SUPT3H: variants seen among roughly 807,000 people sequenced by gnomAD.
SUPT3H encodes the protein SPT3 homolog, SAGA and STAGA complex component.
A neutral mutation model predicts 44.3 loss-of-function variants in SUPT3H; 44 were observed. That is an observed-to-expected ratio of 0.99 (90% CI 0.78 to 1.28). The LOEUF is 1.28. SUPT3H is among the 50% of genes most tolerant of loss of function. SUPT3H has a pLI of 0.00. For missense variants in SUPT3H, 380 were observed against 387.1 expected (o/e 0.98, Z 0.15); for synonymous variants, 124 against 125.6 (o/e 0.99, Z 0.09).
At chr6:44,866,341 C>T (rs533231661) in intron 10 of SUPT3H, among the ~76,000 whole-genome samples, 30 of 151,826 alleles carry the variant, frequency 2.0e-4, no homozygotes, top group Non-Finnish European at 3.7e-4. Context: ...AAAGCAAACC[C>T]GGCTTAGCAG....
chr6:45,189,697 AAC>A (rs922597938), intron 2 of SUPT3H, among the ~76,000 whole-genome samples: 1 of 152,014 alleles, frequency 6.6e-6, no homozygotes, highest in African/African-American at 2.4e-5. Flanking sequence ...CAAAGAAAAC[AAC>A]ACTCTTTCCA....
intron 3 of SUPT3H, among the ~76,000 whole-genome samples, chr6:45,045,790 A>G (rs1004774527): frequency 6.6e-6 from 1 of 152,208 alleles, no homozygotes; most frequent in African/African-American, 2.4e-5. Flanking sequence ...TGATTAATAA[A>G]GAGTACTGTA....
intron 2 of SUPT3H, among the ~76,000 whole-genome samples, chr6:45,336,326 A>T (rs1369245067): frequency 1.3e-5 from 2 of 151,474 alleles, no homozygotes; most frequent in East Asian, 3.9e-4. Context: ...TATAACACGC[A>T]TAAGCATATT....
chr6:44,990,872 T>C lies in SUPT3H; in HGVS notation c.504+12781A>G, dbSNP rs546383529. Among the ~76,000 whole-genome samples the C allele has an allele frequency of 2.8e-5, 4 of 142,058 alleles. No homozygotes were observed. In the South Asian group the frequency reaches 6.6e-4, roughly 24 times the overall value. 93.2% of individuals were successfully genotyped at this position (142,058 alleles called of 152,430 possible). ...CAATGATTTAAAATAAATTTATTATTTTAATAAACAAGTTATTTATTAAAA... is the reference window on the plus strand; with the variant it reads ...CAATGATTTAAAATAAATTTATTATCTTAATAAACAAGTTATTTATTAAAA... On this transcript the variant is annotated intron_variant, in intron 6 of 10. Coordinates refer to ENST00000371459, the MANE Select transcript of SUPT3H (RefSeq NM_003599.4).
At chr6:44,939,500 C>T (rs1038061240) in intron 9 of SUPT3H, among the ~76,000 whole-genome samples, 2 of 152,028 alleles carry the variant, frequency 1.3e-5, no homozygotes, top group African/African-American at 4.8e-5. Context: ...CTGTGTTCAT[C>T]AGGGATATTG....
intron 2 of SUPT3H, among the ~76,000 whole-genome samples, chr6:45,164,214 T>C (rs1443993970): frequency 6.6e-6 from 1 of 152,096 alleles, no homozygotes; most frequent in East Asian, 1.9e-4. Context: ...GAATCCCAAA[T>C]CTGGGACCTA....
chr6:45,288,607 ATATATG>A (rs1221896434), intron 2 of SUPT3H, among the ~76,000 whole-genome samples: 3,676 of 41,580 alleles, frequency 0.088, 169 homozygotes, highest in South Asian at 0.12. Context: ...GTGTATATAT[ATATATG>A]TATATATATA....
intron 6 of SUPT3H, among the ~76,000 whole-genome samples, chr6:44,987,537 T>C (rs971754375): frequency 2.0e-5 from 3 of 152,062 alleles, no homozygotes; most frequent in African/African-American, 7.2e-5. Flanking sequence ...TGGAGGTTAG[T>C]AGCAACCTTA....
chr6:45,134,233 A>G (rs749801490), intron 2 of SUPT3H, among the ~76,000 whole-genome samples: 2 of 152,180 alleles, frequency 1.3e-5, no homozygotes, highest in Admixed American at 6.5e-5. Flanking sequence ...ACTCACTATT[A>G]TAACACTCTC....
intron 3 of SUPT3H, 33 bp downstream of exon 3, chr6:45,105,889 A>C: frequency 1.2e-5 from 18 of 1,530,904 alleles, no homozygotes; most frequent in Non-Finnish European, 1.5e-5. Context: ...AATGCAGAGA[A>C]GAGAAACCAA....
rs539703678 is a variant in SUPT3H at position 44,911,111 on chromosome 6, G to A, written c.912+21542C>T. On this transcript the variant is annotated intron_variant, in intron 10 of 10. Coordinates refer to ENST00000371459, the MANE Select transcript of SUPT3H (RefSeq NM_003599.4). ...AAGCTATTGCTAACACTATTGGTAA[G>A]CTTTTGCTAACATTATTATCCATAT... 3.3e-5 allele frequency among the ~76,000 whole-genome samples: 5 copies of A among 150,392 alleles called. No homozygotes were observed. In the East Asian group the frequency reaches 9.7e-4, roughly 29 times the overall value.
At chr6:45,119,282 G>C (rs1233157737) in intron 2 of SUPT3H, among the ~76,000 whole-genome samples, 1 of 152,084 alleles carries the variant, frequency 6.6e-6, no homozygotes, top group Non-Finnish European at 1.5e-5. Context: ...GAACTAATTT[G>C]TCTCTATTCT....
At chr6:44,933,406 C>T (rs1314979262) in intron 9 of SUPT3H, among the ~76,000 whole-genome samples, 1 of 152,078 alleles carries the variant, frequency 6.6e-6, no homozygotes, top group Non-Finnish European at 1.5e-5. Flanking sequence ...AGTGTGAATA[C>T]AAACTTAAGA....
chr6:45,111,186 C>A (rs1431355186), intron 2 of SUPT3H, among the ~76,000 whole-genome samples: 1 of 151,954 alleles, frequency 6.6e-6, no homozygotes, highest in South Asian at 2.1e-4. Flanking sequence ...GCGCCCGCCA[C>A]CATGCCCAGC....
intron 6 of SUPT3H, among the ~76,000 whole-genome samples, chr6:44,982,182 T>TTTTG (rs66595702): frequency 0.019 from 2,827 of 151,708 alleles, 41 homozygotes; most frequent in Non-Finnish European, 0.028. Flanking sequence ...CAATGATTCT[T>TTTTG]TTTGTTTGTT....
At chr6:45,073,358 T>A (rs531257715) in intron 3 of SUPT3H, among the ~76,000 whole-genome samples, 1 of 151,952 alleles carries the variant, frequency 6.6e-6, no homozygotes, top group Non-Finnish European at 1.5e-5. Flanking sequence ...GAGAATACAA[T>A]CTACCCATGG....
At chr6:45,175,564 T>G (rs1056008963) in intron 2 of SUPT3H, among the ~76,000 whole-genome samples, 1 of 152,178 alleles carries the variant, frequency 6.6e-6, no homozygotes, top group African/African-American at 2.4e-5. Flanking sequence ...TATCAGCTCC[T>G]AAATGGAAGA....
rs569375964 is a variant in SUPT3H at position 45,257,397 on chromosome 6, T to C, written c.101+107804A>G. 1.8e-3 allele frequency among the ~76,000 whole-genome samples: 281 copies of C among 152,324 alleles called. 1 individual carries two copies. Among genetic ancestry groups the C allele is most frequent in the African/African-American group, 6.3e-3 (260 of 41,574 alleles). The stretch of plus-strand genomic sequence containing the variant: ...CAGCATTTCTAGGCATTTCATTCAA[T>C]GCAAGAAGGATAGACATTTCCAGAG... On this transcript the variant is annotated intron_variant, in intron 2 of 10. Transcript: ENST00000371459.
chr6:45,098,480 C>G lies in SUPT3H; in HGVS notation c.186+7442G>C, dbSNP rs1288085605. The G allele has an allele frequency of 1.3e-5, 3 of 238,622 alleles. No homozygotes were observed. In the East Asian group the frequency reaches 3.2e-4, roughly 25 times the overall value. The allele number at this position is 238,622 out of a possible 1,614,324, so 14.8% of individuals were successfully genotyped here. A position where few individuals can be genotyped will look rare whatever the true frequency, so the allele number is the denominator to read the frequency against. On this transcript the variant is annotated intron_variant, in intron 3 of 10. Transcript: ENST00000371459. ...ACATGCTACTCAGTCCAGCTTGGAC[C>G]ACACCCTCCTACCAAAGGAGTAAGC...
Sources: gnomAD v4.1 joint callset for allele counts (sites outside exome capture counted in the v4.1 genomes callset) on GRCh38, gnomAD v4.1.1 for gene constraint, MANE v1.5 for transcripts, NCBI Gene and HGNC (gene_info 2026-07-23, HGNC 2026-07-21) for gene names.